Variants in SGCD observed in about 807,000 individuals in gnomAD.
SGCD encodes the protein delta-sarcoglycan.
Under a neutral mutation model 36.6 loss-of-function variants are expected in SGCD, and 18 were observed. The ratio of observed to expected loss-of-function variants is 0.49; its 90% CI spans 0.34 to 0.73. The LOEUF (loss-of-function observed/expected upper bound fraction) is 0.73, where lower values mean the gene tolerates loss of function less well. Among genes scored for constraint, SGCD ranks in the 30% least tolerant of loss-of-function variants. The pLI is 0.01. For missense variants in SGCD, 387 were observed against 346.7 expected (o/e 1.12, Z -0.92); for synonymous variants, 133 against 130.6 (o/e 1.02, Z -0.12).
intron 3 of SGCD, among the ~76,000 whole-genome samples, chr5:156,141,388 G>C (rs1364312737): frequency 6.6e-6 from 1 of 152,212 alleles, no homozygotes; most frequent in Non-Finnish European, 1.5e-5. Flanking sequence ...TTCCCAGACT[G>C]CGAGAGCTGC....
At chr5:156,185,852 G>GTATATATATATATACAC (rs1763740416) in intron 3 of SGCD, among the ~76,000 whole-genome samples, 1 of 5,896 alleles carries the variant, frequency 1.7e-4, no homozygotes, top group African/African-American at 2.6e-4. Flanking sequence ...TATATATATA[G>GTATATATATATATACAC]AGAGAGAGAG....
intron 3 of SGCD, among the ~76,000 whole-genome samples, chr5:156,373,398 C>T (rs1770493445): frequency 6.6e-6 from 1 of 152,144 alleles, no homozygotes; most frequent in Non-Finnish European, 1.5e-5. Flanking sequence ...TAAGCGTTAC[C>T]TTTAATCACT....
chr5:156,616,554 C>G (rs764591340), intron 6 of SGCD, among the ~76,000 whole-genome samples: 1 of 152,168 alleles, frequency 6.6e-6, no homozygotes, highest in Non-Finnish European at 1.5e-5. Context: ...GTGGAAAATA[C>G]TTGATAAGTT....
intron 3 of SGCD, among the ~76,000 whole-genome samples, chr5:156,217,485 G>T (rs369589107): frequency 1.8e-4 from 28 of 151,914 alleles, no homozygotes; most frequent in Middle Eastern, 6.8e-3. Flanking sequence ...TTCTTTCTAC[G>T]GTTGATTTTC....
rs202093267 is a variant in SGCD, at chr5:155,873,153, G to A, written c.-282+2729G>A. Among the ~76,000 whole-genome samples, 72 of 152,214 alleles carry A rather than the reference G, an allele frequency of 4.7e-4. 1 individual carries two copies. In the East Asian group the frequency reaches 0.013, roughly 27 times the overall value. On this transcript the variant is annotated intron_variant, in intron 1 of 9. Coordinates refer to the SGCD transcript ENST00000517913. ...TTCTAGGGTGATCCCTCCCTCCCCAGTAGAATCCTGAGCCTCATTTGGTAG... is the reference window on the plus strand; with the variant it reads ...TTCTAGGGTGATCCCTCCCTCCCCAATAGAATCCTGAGCCTCATTTGGTAG...
chr5:156,133,954 C>G (rs929245332), intron 3 of SGCD, among the ~76,000 whole-genome samples: 9 of 144,360 alleles, frequency 6.2e-5, no homozygotes, highest in African/African-American at 2.3e-4. Flanking sequence ...CACACACACA[C>G]ACACACAGTT....
intron 3 of SGCD, among the ~76,000 whole-genome samples, chr5:156,289,471 C>G (rs1337393191): frequency 6.6e-6 from 1 of 151,904 alleles, no homozygotes; most frequent in East Asian, 1.9e-4. Flanking sequence ...CCCTCACCCC[C>G]CACAGGCCCC....
chr5:156,471,624 C>T (rs1397706983), intron 3 of SGCD, among the ~76,000 whole-genome samples: 1 of 151,976 alleles, frequency 6.6e-6, no homozygotes, highest in Non-Finnish European at 1.5e-5. Context: ...CAACCTCTAC[C>T]TTACACTATA....
chr5:156,524,887 C>T (rs1376733631), intron 4 of SGCD, among the ~76,000 whole-genome samples: 1 of 152,008 alleles, frequency 6.6e-6, no homozygotes, highest in Non-Finnish European at 1.5e-5. Context: ...CAGGTTCATC[C>T]ACGTTGTTAA....
chr5:155,820,962 C>T, the SGCD span, among the ~76,000 whole-genome samples: 1 of 152,028 alleles, frequency 6.6e-6, no homozygotes, highest in East Asian at 1.9e-4. Flanking sequence ...CACACTGACC[C>T]TGTAAGCTTG....
chr5:156,036,702 A>T (rs1324872267), intron 1 of SGCD, among the ~76,000 whole-genome samples: 1 of 152,082 alleles, frequency 6.6e-6, no homozygotes, highest in Non-Finnish European at 1.5e-5. Flanking sequence ...AGGGCTAGCT[A>T]GGTGCCTGGA....
intron 7 of SGCD, among the ~76,000 whole-genome samples, chr5:156,655,328 T>C (rs1763630171): frequency 6.6e-6 from 1 of 151,840 alleles, no homozygotes; most frequent in Non-Finnish European, 1.5e-5. Context: ...GTTCTTATTT[T>C]GTTGTTGTTT....
intron 3 of SGCD, among the ~76,000 whole-genome samples, chr5:156,312,140 T>C (rs1293521000): frequency 6.6e-6 from 1 of 152,164 alleles, no homozygotes; most frequent in Non-Finnish European, 1.5e-5. Flanking sequence ...GGTACTCATG[T>C]AGGTTAGGTG....
intron 3 of SGCD, among the ~76,000 whole-genome samples, chr5:156,501,245 A>G (rs957810513): frequency 1.3e-5 from 2 of 152,130 alleles, no homozygotes; most frequent in African/African-American, 4.8e-5. Context: ...CATCTAGCAC[A>G]GTTCATTCAA....
At chr5:156,494,817 T>C (rs1756108298) in intron 3 of SGCD, among the ~76,000 whole-genome samples, 3 of 152,146 alleles carry the variant, frequency 2.0e-5, no homozygotes, top group South Asian at 4.1e-4. Context: ...GCTGATGCCA[T>C]TCTTGGTGAT....
chr5:156,698,541 G>A (rs920734816), intron 7 of SGCD, among the ~76,000 whole-genome samples: 68 of 152,278 alleles, frequency 4.5e-4, no homozygotes, highest in Non-Finnish European at 2.6e-4. Context: ...TCCCTTCCAC[G>A]GGTATTCTGA....
At chr5:156,075,997 C>T (rs2127590029) in intron 1 of SGCD, among the ~76,000 whole-genome samples, 1 of 152,164 alleles carries the variant, frequency 6.6e-6, no homozygotes. Context: ...GGAACTTTTT[C>T]CAGGTTTGTC....
At chr5:156,395,944 C>T (rs1381933406) in intron 3 of SGCD, among the ~76,000 whole-genome samples, 1 of 152,140 alleles carries the variant, frequency 6.6e-6, no homozygotes, top group East Asian at 1.9e-4. Context: ...GTTGGTCTAC[C>T]AGAGCAACTA....
At chr5:156,649,257 T>A (rs2113591953) in intron 7 of SGCD, among the ~76,000 whole-genome samples, 1 of 152,252 alleles carries the variant, frequency 6.6e-6, no homozygotes, top group East Asian at 1.9e-4. Flanking sequence ...TTTTACAGTG[T>A]TGGTGGGATT....
Sources: allele counts gnomAD v4.1 joint callset (sites outside exome capture counted in the v4.1 genomes callset), GRCh38; gene constraint gnomAD v4.1.1; transcripts MANE v1.5; gene names NCBI Gene and HGNC (gene_info 2026-07-23, HGNC 2026-07-21).